TRIM49: variants seen among roughly 807,000 people sequenced by gnomAD.
TRIM49 encodes the protein tripartite motif containing 49.
Under a neutral mutation model 27.4 loss-of-function variants are expected in TRIM49, and 5 were observed. That is an observed-to-expected ratio of 0.18 (90% CI 0.10 to 0.38). The LOEUF (loss-of-function observed/expected upper bound fraction) is 0.38, where lower values mean the gene tolerates loss of function less well. Ranked by LOEUF, TRIM49 falls within the 10% of genes least tolerant of loss-of-function variation. The pLI, the probability that TRIM49 is intolerant of heterozygous loss-of-function variation, is 1.00. For synonymous variants in TRIM49, 69 were observed against 166.0 expected, an observed-to-expected ratio of 0.42 and a Z score of 4.49; for missense variants, 188 against 487.5, an observed-to-expected ratio of 0.39 and a Z score of 5.79.
rs201658231 is a variant in TRIM49 at position 89,798,478 on chromosome 11, G to A, written c.1011C>T (p.Thr337=). 6.3e-7 allele frequency: 1 copy of A among 1,593,146 alleles called. No homozygotes were observed. Among genetic ancestry groups the A allele is most frequent in the African/African-American group, 1.5e-5 (1 of 67,012 alleles). Residue 337 remains threonine (T), a synonymous_variant, in exon 8 of 8, where the codon ACC becomes ACT. Transcript: ENST00000329758. ...GGACCTCCCAGTAATATTTGCCCGA[G>A]GTGAAAGTCTGAACACCCCATGCAA... The part of the protein sequence containing the change: ...SFLAWGVQTF[T]SGKYYWEVHV...
At chr11:89,791,007 A>T in the TRIM49 span, among the ~76,000 whole-genome samples, 1 of 148,138 alleles carries the variant, frequency 6.8e-6, no homozygotes. Flanking sequence ...TTGAAAAAAG[A>T]TTAGATGAAT....
the TRIM49 span, chr11:89,786,064 TC>T: frequency 1.0e-5 from 1 of 96,928 alleles, no homozygotes; most frequent in Non-Finnish European, 2.0e-5. Context: ...TTCAAAGAGT[TC>T]CAGGACTTCT....
the TRIM49 span, among the ~76,000 whole-genome samples, chr11:89,774,402 A>C: frequency 6.6e-6 from 1 of 150,906 alleles, no homozygotes; most frequent in Non-Finnish European, 1.5e-5. Flanking sequence ...TCTGGTTTTC[A>C]ATACTTTATA....
chr11:89,800,879 A>C (rs1949730583), intron 6 of TRIM49, 87 bp downstream of exon 6: 1 of 785,304 alleles, frequency 1.3e-6, no homozygotes, highest in Non-Finnish European at 2.0e-6. Flanking sequence ...CAATATCTTA[A>C]TTATTTATGC....
downstream of TRIM49, among the ~76,000 whole-genome samples, chr11:89,796,956 A>G (rs1183781643): frequency 6.6e-6 from 1 of 150,634 alleles, no homozygotes; most frequent in East Asian, 2.0e-4. Flanking sequence ...AAGAAATGCT[A>G]ATAGTCAGTT....
chr11:89,802,796 C>T (rs902061207), intron 4 of TRIM49, among the ~76,000 whole-genome samples: 1 of 150,506 alleles, frequency 6.6e-6, no homozygotes, highest in Admixed American at 6.6e-5. Context: ...CCTCTATTGT[C>T]CTTTTCTACT....
chr11:89,766,588 C>A, the TRIM49 span: 15 of 859,408 alleles, frequency 1.7e-5, 2 homozygotes, highest in African/African-American at 3.1e-5. Flanking sequence ...TTTCTTAATC[C>A]TTGTCATCTG....
the TRIM49 span, chr11:89,777,176 C>A: frequency 3.2e-6 from 5 of 1,548,930 alleles, no homozygotes; most frequent in African/African-American, 4.1e-5. Flanking sequence ...AACTTCAACA[C>A]CAATGTGGTA....
intron 6 of TRIM49, among the ~76,000 whole-genome samples, chr11:89,800,664 A>G (rs1469749090): frequency 1.3e-5 from 2 of 149,536 alleles, no homozygotes; most frequent in Non-Finnish European, 3.0e-5. Context: ...AATGGTGTGA[A>G]CCCGGGAGGC....
downstream of TRIM49, among the ~76,000 whole-genome samples, chr11:89,793,265 C>T (rs570566630): frequency 2.0e-5 from 3 of 151,886 alleles, no homozygotes; most frequent in African/African-American, 7.3e-5. Context: ...AAATAAAGTC[C>T]GGGTCCGGAT....
chr11:89,793,818 A>C (rs1233479942), downstream of TRIM49, among the ~76,000 whole-genome samples: 1 of 151,968 alleles, frequency 6.6e-6, no homozygotes, highest in Non-Finnish European at 1.5e-5. Context: ...TGCCCTTAGA[A>C]AAGTGGTGCA....
the TRIM49 span, chr11:89,787,210 C>G: frequency 4.4e-6 from 1 of 226,338 alleles, no homozygotes; most frequent in Non-Finnish European, 8.5e-6. Context: ...TGACGCCGGG[C>G]GCCGTGCGTG....
chr11:89,792,837 A>G (rs1233014812), downstream of TRIM49, among the ~76,000 whole-genome samples: 2 of 152,130 alleles, frequency 1.3e-5, no homozygotes, highest in South Asian at 2.1e-4. Flanking sequence ...TAAAAGAACT[A>G]GAGAAGCAAG....
chr11:89,798,644 A>G lies in TRIM49; in HGVS notation c.860-15T>C, dbSNP rs771301159. 1.6e-4 allele frequency: 241 copies of G among 1,520,602 alleles called. 5 individuals carry two copies. Among genetic ancestry groups the G allele is most frequent in the Non-Finnish European group, 2.0e-4 (231 of 1,152,156 alleles). 94.2% of individuals were successfully genotyped at this position (1,520,602 alleles called of 1,614,324 possible). A position where few individuals can be genotyped will look rare whatever the true frequency, so the allele number is the denominator to read the frequency against. On this transcript the variant is annotated splice_polypyrimidine_tract_variant and intron_variant, in intron 7 of 7. Coordinates refer to ENST00000329758, the MANE Select transcript of TRIM49 (RefSeq NM_020358.2). ...AGTAATATGCACTGCAAAAAAAAAAAAAAAGAAAACATGCATAGACATGTG... is the reference window on the plus strand; with the variant it reads ...AGTAATATGCACTGCAAAAAAAAAAGAAAAGAAAACATGCATAGACATGTG...
chr11:89,772,741 G>A, the TRIM49 span, among the ~76,000 whole-genome samples: 1 of 132,604 alleles, frequency 7.5e-6, no homozygotes, highest in Non-Finnish European at 1.5e-5. Context: ...GCTCTATCTG[G>A]TACACTGAAG....
the TRIM49 span, chr11:89,766,659 A>G: frequency 1.4e-6 from 2 of 1,438,958 alleles, no homozygotes; most frequent in Admixed American, 1.8e-5. Flanking sequence ...GTAATTCCAT[A>G]TGAGGGAATT....
downstream of TRIM49, among the ~76,000 whole-genome samples, chr11:89,793,189 G>T (rs1300249576): frequency 6.6e-6 from 1 of 152,144 alleles, no homozygotes; most frequent in African/African-American, 2.4e-5. Context: ...CCAGGAAGAA[G>T]TTGAATCCCT....
chr11:89,783,609 G>A, the TRIM49 span, among the ~76,000 whole-genome samples: 1 of 134,342 alleles, frequency 7.4e-6, no homozygotes, highest in Admixed American at 7.2e-5. Flanking sequence ...GTGGAGACTG[G>A]CCTTAAACTG....
chr11:89,795,828 A>G (rs1949683981), downstream of TRIM49, among the ~76,000 whole-genome samples: 1 of 151,682 alleles, frequency 6.6e-6, no homozygotes, highest in Admixed American at 6.6e-5. Flanking sequence ...TGGCACATGT[A>G]TACATATGTA....
Sources: gnomAD v4.1 joint callset for allele counts (sites outside exome capture counted in the v4.1 genomes callset) on GRCh38, gnomAD v4.1.1 for gene constraint, MANE v1.5 for transcripts, NCBI Gene and HGNC (gene_info 2026-07-23, HGNC 2026-07-21) for gene names.